Variants in VPS54 observed in about 807,000 individuals in gnomAD.
VPS54 encodes the protein vacuolar protein sorting-associated protein 54.
In VPS54, 45 loss-of-function variants were observed where a neutral mutation model predicts 121.5. The ratio of observed to expected loss-of-function variants is 0.37; its 90% CI spans 0.29 to 0.47. The LOEUF is 0.47. Ranked by LOEUF, VPS54 falls within the 20% of genes least tolerant of loss-of-function variation. The pLI, the probability that VPS54 is intolerant of heterozygous loss-of-function variation, is 0.99. For missense variants in VPS54, 1,090 were observed against 1,131.4 expected, an observed-to-expected ratio of 0.96 and a Z score of 0.52; for synonymous variants, 371 against 385.8, an observed-to-expected ratio of 0.96 and a Z score of 0.45.
intron 16 of VPS54, among the ~76,000 whole-genome samples, chr2:63,914,737 G>A (rs967784883): frequency 6.6e-6 from 1 of 151,612 alleles, no homozygotes; most frequent in Non-Finnish European, 1.5e-5. Flanking sequence ...ATGAATTGAT[G>A]AAGAAAACCT....
At chr2:64,017,425 A>C (rs2104719997) in intron 1 of VPS54, among the ~76,000 whole-genome samples, 1 of 152,292 alleles carries the variant, frequency 6.6e-6, no homozygotes, top group Middle Eastern at 3.4e-3. Flanking sequence ...ATAGGAATTG[A>C]CTTTAATTCT....
At chr2:63,911,881 GAT>G (rs1341445847) in intron 20 of VPS54, among the ~76,000 whole-genome samples, 1 of 152,120 alleles carries the variant, frequency 6.6e-6, no homozygotes, top group African/African-American at 2.4e-5. Context: ...CTGACTAAAT[GAT>G]ATTTTTCTGA....
At chr2:63,913,033 C>T (rs1245977593) in intron 18 of VPS54, among the ~76,000 whole-genome samples, 190 bp downstream of exon 18, 1 of 152,114 alleles carries the variant, frequency 6.6e-6, no homozygotes, top group African/African-American at 2.4e-5. Flanking sequence ...AGGGGAAATG[C>T]ATCGTAACCT....
intron 1 of VPS54, among the ~76,000 whole-genome samples, chr2:63,986,375 C>G (rs1677053441): frequency 6.6e-6 from 1 of 152,156 alleles, no homozygotes; most frequent in Admixed American, 6.5e-5. Context: ...TGTGAAGTTT[C>G]TCATTCTGTG....
At chr2:63,936,301 C>A (rs1575929927) in intron 11 of VPS54, among the ~76,000 whole-genome samples, 1 of 152,118 alleles carries the variant, frequency 6.6e-6, no homozygotes, top group Non-Finnish European at 1.5e-5. Context: ...AAATCCAAAG[C>A]CATTCTTAAG....
chr2:63,964,224 T>C (rs1043354533), intron 6 of VPS54, among the ~76,000 whole-genome samples: 7 of 152,182 alleles, frequency 4.6e-5, no homozygotes, highest in African/African-American at 1.7e-4. Flanking sequence ...AATGTAAATA[T>C]AGCAAATCTG....
Position 63,921,312 on chromosome 2 carries a change from G to C in VPS54, c.1763C>G (p.Thr588Ser), listed in dbSNP as rs1295752291. Residue 588 changes from threonine to serine, a missense_variant, in exon 13 of 23, where the codon ACT becomes AGT. Thr to Ser is a moderately conservative substitution (Grantham distance 58, BLOSUM62 1). Transcript: ENST00000272322. ...DIMVSEDMKL[T>S]DSELGKLANN... ...TGCCAGCTTTCCTAGCTCTGAGTCA[G>C]TTAATTTCATATCTTCACTGACCCT... 6.2e-7 allele frequency: 1 copy of C among 1,612,668 alleles called. No individual in the cohort carries two copies. Among genetic ancestry groups the C allele is most frequent in the Non-Finnish European group, 8.5e-7 (1 of 1,179,248 alleles).
At chr2:63,977,407 C>A (rs1226208679) in intron 3 of VPS54, among the ~76,000 whole-genome samples, 4 of 152,166 alleles carry the variant, frequency 2.6e-5, no homozygotes, top group Non-Finnish European at 5.9e-5. Context: ...TCCTTGAAGC[C>A]TTACTTCCCT....
chr2:64,012,540 CTT>C (rs1387750149), intron 1 of VPS54, among the ~76,000 whole-genome samples: 2 of 150,524 alleles, frequency 1.3e-5, no homozygotes, highest in Non-Finnish European at 3.0e-5. Context: ...ATACACAACT[CTT>C]AACTTTCTGA....
At chr2:63,996,687 G>C (rs1363865399) in intron 1 of VPS54, among the ~76,000 whole-genome samples, 1 of 152,168 alleles carries the variant, frequency 6.6e-6, no homozygotes, top group Non-Finnish European at 1.5e-5. Context: ...TTCCCGGCCG[G>C]GGAGGGGGGC....
At chr2:63,947,318 T>TA in intron 9 of VPS54, 65 bp downstream of exon 9, 1 of 1,353,434 alleles carries the variant, frequency 7.4e-7, no homozygotes. Context: ...ATTACTAGGA[T>TA]AACATAAAAA....
rs752062899 is a variant in VPS54, at chr2:63,972,237, TTC to T, written c.384_385del (p.Lys129AspfsTer3). 6.3e-7 allele frequency: 1 copy of T among 1,588,518 alleles called. No individual in the cohort carries two copies. Among genetic ancestry groups the T allele is most frequent in the Non-Finnish European group, 8.6e-7 (1 of 1,162,700 alleles). On this transcript the variant is annotated frameshift_variant, in exon 4 of 23. Coordinates refer to ENST00000272322, the MANE Select transcript of VPS54 (RefSeq NM_016516.3). LOFTEE classifies it high-confidence loss of function. ...AATATTCTTGCATCTCTCATGAATC[TTC>T]TCTCTCTAATAAAAAGACAAATAAC...
intron 4 of VPS54, 109 bp downstream of exon 4, chr2:63,972,057 C>G: frequency 1.8e-6 from 1 of 565,146 alleles, no homozygotes; most frequent in Non-Finnish European, 2.8e-6. Flanking sequence ...AAAAATTTTA[C>G]TAGAAATAAA....
intron 1 of VPS54, among the ~76,000 whole-genome samples, chr2:63,990,592 C>G (rs550817048): frequency 3.3e-5 from 5 of 152,128 alleles, no homozygotes; most frequent in Non-Finnish European, 7.4e-5. Flanking sequence ...CCTCAATGCC[C>G]CTTTCTCACA....
chr2:63,944,343 A>G (rs1482211702), intron 10 of VPS54, among the ~76,000 whole-genome samples: 1 of 151,132 alleles, frequency 6.6e-6, no homozygotes, highest in Non-Finnish European at 1.5e-5. Context: ...AAAGGTACCT[A>G]TTTCTCCTGT....
chr2:63,897,945 TTCTAA>T (rs777748424), intron 21 of VPS54, among the ~76,000 whole-genome samples: 1 of 152,218 alleles, frequency 6.6e-6, no homozygotes, highest in Non-Finnish European at 1.5e-5. Context: ...ACCTTCGTAC[TTCTAA>T]TCTAGTGAAA....
intron 15 of VPS54, 33 bp from the exon 16 acceptor site, chr2:63,916,996 AG>A (rs1359691370): frequency 6.2e-7 from 1 of 1,607,532 alleles, no homozygotes; most frequent in Non-Finnish European, 8.5e-7. Flanking sequence ...GAGAGACAAG[AG>A]TACCAGACGA....
intron 20 of VPS54, among the ~76,000 whole-genome samples, chr2:63,908,075 C>G (rs1328037790): frequency 1.3e-5 from 2 of 152,084 alleles, no homozygotes; most frequent in Non-Finnish European, 2.9e-5. Context: ...GGTATTTATA[C>G]TAAAGAAATG....
chr2:63,952,709 G>A lies in VPS54; in HGVS notation c.1011-3546C>T, dbSNP rs145831784. Among the ~76,000 whole-genome samples, 304 of 152,166 alleles carry A rather than the reference G, an allele frequency of 2.0e-3. 1 individual carries two copies. Among genetic ancestry groups the A allele is most frequent in the East Asian group, 0.019 (98 of 5,186 alleles). On this transcript the variant is annotated intron_variant, in intron 7 of 22. Coordinates refer to ENST00000272322, the MANE Select transcript of VPS54 (RefSeq NM_016516.3). ...TTCTTATAGTTAATAGACTAAAAAC[G>A]TTCTCATAAATGGCATCAATATCTT... is the stretch of plus-strand genomic sequence containing the variant.
Sources: gnomAD v4.1 joint callset for allele counts (sites outside exome capture counted in the v4.1 genomes callset) on GRCh38, gnomAD v4.1.1 for gene constraint, MANE v1.5 for transcripts, NCBI Gene and HGNC (gene_info 2026-07-23, HGNC 2026-07-21) for gene names.